MS4A1: variants seen among roughly 807,000 people sequenced by gnomAD.
MS4A1 encodes membrane spanning 4-domains A1.
MS4A1 carries 16 observed loss-of-function variants against 26.5 expected under a neutral mutation model. The observed-to-expected ratio is 0.60, with a 90% CI of 0.41 to 0.92. The LOEUF (loss-of-function observed/expected upper bound fraction) is 0.92, where lower values mean the gene tolerates loss of function less well. Among genes scored for constraint, MS4A1 ranks in the 40% least tolerant of loss-of-function variants. The pLI is 0.00. For synonymous variants in MS4A1, 128 were observed against 117.6 expected (o/e 1.09, Z -0.57); for missense variants, 350 against 353.0 (o/e 0.99, Z 0.07).
chr11:60,463,756 C>T (rs774754660), intron 4 of MS4A1: 20 of 454,258 alleles, frequency 4.4e-5, no homozygotes, highest in Non-Finnish European at 7.5e-5. Flanking sequence ...TTCCTCCATT[C>T]TACAGCCTGA....
Position 60,468,529 on chromosome 11 carries a change from C to A in MS4A1, c.*61C>A. 1 of 1,497,976 alleles carries A rather than the reference C, an allele frequency of 6.7e-7. No homozygotes were observed. The highest frequency in any genetic ancestry group is 9.2e-7 in the Non-Finnish European group (1 of 1,081,092). 92.8% of individuals were successfully genotyped at this position (1,497,976 alleles called of 1,614,324 possible). A position where few individuals can be genotyped will look rare whatever the true frequency, so the allele number is the denominator to read the frequency against. Reference sequence around the variant, plus strand: ...ATTAGTGTTCATAGCTTCCAAGAGACATGCTGACTTTCATTTCTTGAGGTA... The same window carrying A: ...ATTAGTGTTCATAGCTTCCAAGAGAAATGCTGACTTTCATTTCTTGAGGTA... On this transcript the variant is annotated 3_prime_UTR_variant, in exon 8 of 8. Coordinates refer to ENST00000345732, the MANE Select transcript of MS4A1 (RefSeq NM_152866.3).
chr11:60,463,028 C>T lies in MS4A1; in HGVS notation c.186C>T (p.Phe62=), dbSNP rs763667959. Residue 62 remains phenylalanine, a synonymous_variant, in exon 4 of 8, where the codon TTC becomes TTT. Coordinates refer to ENST00000345732, the MANE Select transcript of MS4A1 (RefSeq NM_152866.3). ...LGAVQIMNGL[F]HIALGGLLMI... is the part of the protein sequence containing the mutation. ...CTGTCCAGATTATGAATGGGCTCTTCCACATTGCCCTGGGGGGTCTTCTGA... is the reference window on the plus strand; with the variant it reads ...CTGTCCAGATTATGAATGGGCTCTTTCACATTGCCCTGGGGGGTCTTCTGA... The T allele has an allele frequency of 2.5e-6, 4 of 1,614,000 alleles. No individual in the cohort carries two copies. In the Admixed American group the frequency reaches 5.0e-5, roughly 20 times the overall value.
Position 60,468,293 on chromosome 11 carries a change from T to C in MS4A1, c.719T>C (p.Ile240Thr), listed in dbSNP as rs758789447. 5 of 1,613,804 alleles carry C rather than the reference T, an allele frequency of 3.1e-6. No individual in the cohort carries two copies. The South Asian group carries it at 5.5e-5, about 18-fold the overall frequency. Reference sequence around the variant, plus strand: ...GCAGAAGAAAAAAAAGAACAGACTATTGAAATAAAAGAAGAAGTGGTTGGG... The same window carrying C: ...GCAGAAGAAAAAAAAGAACAGACTACTGAAATAAAAGAAGAAGTGGTTGGG... The part of the protein sequence containing the change: ...LSAEEKKEQT[I>T]EIKEEVVGLT... The change falls in exon 8 of 8, where the codon ATT becomes ACT. Residue 240 changes from isoleucine to threonine, a missense_variant. By Grantham distance (89) the Ile-to-Thr change is moderately conservative. Coordinates refer to ENST00000345732, the MANE Select transcript of MS4A1 (RefSeq NM_152866.3).
intron 5 of MS4A1, 110 bp downstream of exon 5, chr11:60,464,454 A>C (rs2086274566): frequency 1.1e-6 from 1 of 892,152 alleles, no homozygotes; most frequent in East Asian, 2.5e-5. Flanking sequence ...TCAGCCCTAA[A>C]AAGCAAAGAC....
rs774350658 is a variant in MS4A1, at chr11:60,468,366, T to C, written c.792T>C (p.Ile264=). 18 of 1,614,090 alleles carry C rather than the reference T, an allele frequency of 1.1e-5. No homozygotes were observed. Among genetic ancestry groups the C allele is most frequent in the Non-Finnish European group, 1.4e-5 (17 of 1,179,968 alleles). The part of the protein sequence containing the change: ...SQPKNEEDIE[I]IPIQEEEEEE... ...CAAAGAATGAAGAAGACATTGAAAT[T>C]ATTCCAATCCAAGAAGAGGAAGAAG... The change falls in exon 8 of 8, where the codon ATT becomes ATC. Residue 264 remains isoleucine, a synonymous_variant. Transcript: ENST00000345732.
chr11:60,468,950 C>T lies in MS4A1; in HGVS notation c.*482C>T, dbSNP rs2086319992. 6.0e-6 allele frequency: 1 copy of T among 166,946 alleles called. No individual in the cohort carries two copies. The allele number at this position is 166,946 out of a possible 1,614,324, so 10.3% of individuals were successfully genotyped here. A position where few individuals can be genotyped will look rare whatever the true frequency, so the allele number is the denominator to read the frequency against. ...GATAAAAAAAAATAACAACTAGGGA[C>T]AATACAGAACCCATTCCATTTATCT... On this transcript the variant is annotated 3_prime_UTR_variant, in exon 8 of 8. Coordinates refer to ENST00000345732, the MANE Select transcript of MS4A1 (RefSeq NM_152866.3).
intron 3 of MS4A1, among the ~76,000 whole-genome samples, 174 bp from the exon 4 acceptor site, chr11:60,462,828 T>G (rs527448497): frequency 1.3e-5 from 2 of 152,176 alleles, no homozygotes; most frequent in Admixed American, 1.3e-4. Context: ...AAATGCCCCA[T>G]GTGGTTGAGG....
chr11:60,468,586 C>A lies in MS4A1; in HGVS notation c.*118C>A, dbSNP rs1332064089. The A allele has an allele frequency of 2.2e-6, 2 of 909,192 alleles. No homozygotes were observed. Among genetic ancestry groups the A allele is most frequent in the South Asian group, 1.4e-5 (1 of 69,848 alleles). 56.3% of individuals were successfully genotyped at this position (909,192 alleles called of 1,614,324 possible). A position where few individuals can be genotyped will look rare whatever the true frequency, so the allele number is the denominator to read the frequency against. ...ACATACGCACCACATCTCTATCTGGCCTTTGCATGGAGTGACCATAGCTCC... is the reference window on the plus strand; with the variant it reads ...ACATACGCACCACATCTCTATCTGGACTTTGCATGGAGTGACCATAGCTCC... On this transcript the variant is annotated 3_prime_UTR_variant, in exon 8 of 8. Coordinates refer to ENST00000345732, the MANE Select transcript of MS4A1 (RefSeq NM_152866.3).
In MS4A1 at chr11:60,469,843, A is replaced by T. The variant is rs200770014; in HGVS notation, c.*1375A>T. 2 of 152,088 alleles carry T rather than the reference A, an allele frequency of 1.3e-5. No homozygotes were observed. Among genetic ancestry groups the T allele is most frequent in the African/African-American group, 4.8e-5 (2 of 41,434 alleles). 9.4% of individuals were successfully genotyped at this position (152,088 alleles called of 1,614,324 possible). On this transcript the variant is annotated 3_prime_UTR_variant, in exon 8 of 8. Coordinates refer to ENST00000345732, the MANE Select transcript of MS4A1 (RefSeq NM_152866.3). The stretch of plus-strand genomic sequence containing the variant: ...AAGTCACTATAATCTGTAGTCTATT[A>T]TTTGGGCATTTGCTACATGATGAGT...
At chr11:60,466,845 T>C in intron 6 of MS4A1, 114 bp from the exon 7 acceptor site, 1 of 1,019,898 alleles carries the variant, frequency 9.8e-7, no homozygotes, top group Non-Finnish European at 1.5e-6. Context: ...ATTACTTGTC[T>C]AAAGAATTGA....
At position 60,464,364 on chromosome 11, in the gene MS4A1, T is replaced by C; in HGVS notation, c.336+20T>C. ...TGTTTGGCAAGTAACCATATGTCCT[T>C]CTTTCCCACATGTCAGAGAAGTACC... On this transcript the variant is annotated intron_variant, in intron 5 of 7. Transcript: ENST00000345732. 1 of 1,610,710 alleles carries C rather than the reference T, an allele frequency of 6.2e-7. No homozygotes were observed. Among genetic ancestry groups the C allele is most frequent in the Non-Finnish European group, 8.5e-7 (1 of 1,177,102 alleles).
In MS4A1 at chr11:60,468,325, G is replaced by A. The variant is rs748214132; in HGVS notation, c.751G>A (p.Glu251Lys). 2.5e-6 allele frequency: 4 copies of A among 1,613,910 alleles called. No homozygotes were observed. The highest frequency in any genetic ancestry group is 3.4e-6 in the Non-Finnish European group (4 of 1,179,896). ...AAAAGAAGAAGTGGTTGGGCTAACTGAAACATCTTCCCAACCAAAGAATGA... is the reference window on the plus strand; with the variant it reads ...AAAAGAAGAAGTGGTTGGGCTAACTAAAACATCTTCCCAACCAAAGAATGA... ...EIKEEVVGLTETSSQPKNEED... is the reference protein window; with the variant it reads ...EIKEEVVGLTKTSSQPKNEED... The change falls in exon 8 of 8, where the codon GAA becomes AAA. Residue 251 changes from glutamate (E) to lysine (K), a missense_variant. Physicochemically the swap from Glu to Lys is moderately conservative, Grantham distance 56. Coordinates refer to ENST00000345732, the MANE Select transcript of MS4A1 (RefSeq NM_152866.3).
intron 2 of MS4A1, among the ~76,000 whole-genome samples, chr11:60,461,543 C>T (rs1470275099): frequency 2.6e-5 from 4 of 151,390 alleles, no homozygotes; most frequent in African/African-American, 7.3e-5. Context: ...TCTTTGAGAC[C>T]GAGTCTCACT....
intron 7 of MS4A1, among the ~76,000 whole-genome samples, 156 bp from the exon 8 acceptor site, chr11:60,468,094 T>G (rs1473204644): frequency 6.6e-6 from 1 of 152,170 alleles, no homozygotes; most frequent in Non-Finnish European, 1.5e-5. Context: ...GATAAGGATA[T>G]AAGCACCTGC....
At chr11:60,466,199 G>T in intron 6 of MS4A1, 42 bp downstream of exon 6, 1 of 1,459,800 alleles carries the variant, frequency 6.9e-7, no homozygotes. Flanking sequence ...TTCTCTCCAG[G>T]GAGGAAGGAT....
intron 1 of MS4A1, among the ~76,000 whole-genome samples, chr11:60,459,070 C>T (rs1161446867): frequency 2.6e-5 from 4 of 152,130 alleles, no homozygotes; most frequent in Non-Finnish European, 5.9e-5. Context: ...AAGTTTATCT[C>T]GCCAATAATA....
Position 60,467,073 on chromosome 11 carries a change from C to G in MS4A1, c.675+13C>G, listed in dbSNP as rs2086298224. 1 of 1,606,394 alleles carries G rather than the reference C, an allele frequency of 6.2e-7. No homozygotes were observed. Among genetic ancestry groups the G allele is most frequent in the Non-Finnish European group, 8.5e-7 (1 of 1,173,134 alleles). On this transcript the variant is annotated intron_variant, in intron 7 of 7. Transcript: ENST00000345732. ...CAGACCCAAATCTGTAAGTAGTAGC[C>G]CCTCTGGCCAAAACCTCCCTCTAGA...
At chr11:60,458,957 C>A (rs2086226316) in intron 1 of MS4A1, among the ~76,000 whole-genome samples, 1 of 151,526 alleles carries the variant, frequency 6.6e-6, no homozygotes, top group African/African-American at 2.4e-5. Flanking sequence ...CCATGAGATA[C>A]CATTTTAACA....
At chr11:60,464,259 T>G in intron 4 of MS4A1, 29 bp from the exon 5 acceptor site, 5 of 1,325,034 alleles carry the variant, frequency 3.8e-6, no homozygotes, top group Non-Finnish European at 5.3e-6. Context: ...CCACCCCCTC[T>G]CCATCTCCCC....
Sources: gnomAD v4.1 joint callset for allele counts (sites outside exome capture counted in the v4.1 genomes callset) on GRCh38, gnomAD v4.1.1 for gene constraint, MANE v1.5 for transcripts, NCBI Gene and HGNC (gene_info 2026-07-23, HGNC 2026-07-21) for gene names.